TK1: variants seen among roughly 807,000 people sequenced by gnomAD.
TK1 encodes thymidine kinase 1.
TK1 carries 13 observed loss-of-function variants against 22.4 expected under a neutral mutation model. The observed-to-expected ratio is 0.58, with a 90% CI of 0.38 to 0.92. TK1 has a LOEUF of 0.92. TK1 is among the 40% of genes least tolerant of loss of function. TK1 has a pLI of 0.00. For missense variants in TK1, 251 were observed against 315.7 expected (o/e 0.80, Z 1.55); for synonymous variants, 134 against 125.4 (o/e 1.07, Z -0.46).
In TK1 at chr17:78,182,782, A is replaced by G. The variant is rs981957026; in HGVS notation, c.210-100T>C. 1.9e-5 allele frequency: 16 copies of G among 820,974 alleles called. No homozygotes were observed. In the Admixed American group the frequency reaches 3.3e-4, roughly 17 times the overall value. The allele number at this position is 820,974 out of a possible 1,614,324, so 50.9% of individuals were successfully genotyped here. A position where few individuals can be genotyped will look rare whatever the true frequency, so the allele number is the denominator to read the frequency against. On this transcript the variant is annotated intron_variant, in intron 3 of 6. Coordinates refer to ENST00000301634, the MANE Select transcript of TK1 (RefSeq NM_003258.5). The stretch of plus-strand genomic sequence containing the variant: ...CTGTCGTGACCACCTGCTACCTGCA[A>G]AGCAGGCTCAGTGTTCACCCAGCCG...
intron 4 of TK1, among the ~76,000 whole-genome samples, chr17:78,178,067 C>T (rs541353710): frequency 2.6e-5 from 4 of 152,280 alleles, no homozygotes; most frequent in Non-Finnish European, 4.4e-5. Flanking sequence ...GATGGGGTTT[C>T]ACCATGTTGG....
intron 3 of TK1, 82 bp downstream of exon 3, chr17:78,184,973 T>C: frequency 9.6e-7 from 1 of 1,038,280 alleles, no homozygotes; most frequent in Non-Finnish European, 1.5e-6. Context: ...TGATTAACCA[T>C]CCCCATTAAA....
intron 4 of TK1, among the ~76,000 whole-genome samples, chr17:78,178,445 G>T (rs981315088): frequency 1.3e-5 from 2 of 152,170 alleles, no homozygotes; most frequent in Admixed American, 1.3e-4. Flanking sequence ...CCTTCCTCAG[G>T]ATGGCACGGT....
chr17:78,181,609 A>T (rs1024455783), intron 4 of TK1, among the ~76,000 whole-genome samples: 4 of 152,118 alleles, frequency 2.6e-5, no homozygotes, highest in Non-Finnish European at 5.9e-5. Context: ...ACTAGATGAC[A>T]AAAGAAAGAT....
Position 78,182,639 on chromosome 17 carries a change from C to A in TK1, c.253G>T (p.Ala85Ser). The A allele has an allele frequency of 6.3e-7, 1 of 1,596,130 alleles. No homozygotes were observed. The highest frequency in any genetic ancestry group is 1.7e-5 in the Admixed American group (1 of 57,664). The change falls in exon 4 of 7, where the codon GCC becomes TCC. Residue 85 changes from alanine (A) to serine (S), a missense_variant. Coordinates refer to ENST00000301634, the MANE Select transcript of TK1 (RefSeq NM_003258.5). Reference protein sequence around the residue: ...ALPACLLRDVAQEALGVAVIG... With the variant: ...ALPACLLRDVSQEALGVAVIG... ...ACAGCCACGCCCAGGGCCTCCTGGG[C>A]CACGTCTCGGAGCAGGCAGGCGGGC...
At chr17:78,175,219 G>GTTTTTGTTTTTTTTTT in intron 5 of TK1, 50 bp from the exon 6 acceptor site, 3 of 1,574,994 alleles carry the variant, frequency 1.9e-6, no homozygotes, top group African/African-American at 1.4e-5. Context: ...TACCAGGTGG[G>GTTTTTGTTTTTTTTTT]TTTTTCTTTT....
chr17:78,178,655 T>C (rs1383047612), intron 4 of TK1, among the ~76,000 whole-genome samples: 2 of 152,152 alleles, frequency 1.3e-5, no homozygotes, highest in Non-Finnish European at 2.9e-5. Flanking sequence ...TTTGTTTTGT[T>C]TTGAGACTGA....
At chr17:78,176,122 C>T (rs562417927) in intron 4 of TK1, among the ~76,000 whole-genome samples, 2 of 152,292 alleles carry the variant, frequency 1.3e-5, no homozygotes, top group East Asian at 1.9e-4. Flanking sequence ...TTGCCTCCCC[C>T]GTTTTAAACG....
rs140967942 is a variant in TK1, at chr17:78,180,860, G to A, written c.303+1729C>T. On this transcript the variant is annotated intron_variant, in intron 4 of 6. Transcript: ENST00000301634. ...TTCCCCTACACACATTGTGCTGAGA[G>A]AGAACAGATAGAATACCTGACCAGA... Among the ~76,000 whole-genome samples, 14 of 152,354 alleles carry A rather than the reference G, an allele frequency of 9.2e-5. No individual in the cohort carries two copies. In the East Asian group the frequency reaches 2.7e-3, roughly 29 times the overall value.
upstream of TK1, chr17:78,187,149 T>G (rs575635280): frequency 1.4e-4 from 137 of 967,326 alleles, no homozygotes; most frequent in East Asian, 3.3e-3. Flanking sequence ...GCCGCTGACC[T>G]GGCGGGAGAT....
rs1342802467 is a variant in TK1 at position 78,186,773 on chromosome 17, C to T, written c.98+14G>A. 6.3e-7 allele frequency: 1 copy of T among 1,580,934 alleles called. No homozygotes were observed. Among genetic ancestry groups the T allele is most frequent in the East Asian group, 2.4e-5 (1 of 42,452 alleles). ...AGAGGAAGGAGCTCCACCCCAGCCC[C>T]GCGAAGCCATTACCTTTTTCCTGAG... is the stretch of plus-strand genomic sequence containing the variant. On this transcript the variant is annotated intron_variant, in intron 2 of 6. Transcript: ENST00000301634.
At chr17:78,179,403 T>C in intron 4 of TK1, 1 of 985,288 alleles carries the variant, frequency 1.0e-6, no homozygotes, top group Non-Finnish European at 1.2e-6. Flanking sequence ...ATGGGGGTGC[T>C]CAGGGGCGCA....
intron 4 of TK1, among the ~76,000 whole-genome samples, chr17:78,182,341 G>A (rs370902701): frequency 1.3e-4 from 19 of 149,778 alleles, no homozygotes; most frequent in Admixed American, 8.7e-4. Flanking sequence ...ATCGTACTCC[G>A]GCCTGGGCAA....
At position 78,186,307 on chromosome 17, in the gene TK1, C is replaced by A. The variant is rs1041610306; in HGVS notation, c.98+480G>T. Among the ~76,000 whole-genome samples, 3 of 152,194 alleles carry A rather than the reference C, an allele frequency of 2.0e-5. No homozygotes were observed. In the South Asian group the frequency reaches 6.2e-4, roughly 32 times the overall value. Reference sequence around the variant, plus strand: ...ACTCAAGAAACTCACTAGCCCCACCCGGGTCAGGGAATGGTTCTATCACCT... The same window carrying A: ...ACTCAAGAAACTCACTAGCCCCACCAGGGTCAGGGAATGGTTCTATCACCT... On this transcript the variant is annotated intron_variant, in intron 2 of 6. Coordinates refer to ENST00000301634, the MANE Select transcript of TK1 (RefSeq NM_003258.5).
chr17:78,185,880 G>A (rs1340017332), intron 2 of TK1, among the ~76,000 whole-genome samples: 2 of 152,144 alleles, frequency 1.3e-5, no homozygotes, highest in Non-Finnish European at 2.9e-5. Flanking sequence ...AGCGTCAAAA[G>A]CACTTGCTTC....
At chr17:78,175,991 G>A (rs1292730522) in intron 4 of TK1, among the ~76,000 whole-genome samples, 2 of 152,210 alleles carry the variant, frequency 1.3e-5, no homozygotes, top group Non-Finnish European at 2.9e-5. Flanking sequence ...CCTTGGCAAT[G>A]AATTAACGTC....
intron 4 of TK1, chr17:78,179,445 C>T (rs1159222123): frequency 9.1e-6 from 9 of 985,434 alleles, no homozygotes; most frequent in Non-Finnish European, 1.1e-5. Flanking sequence ...ATGGCCATAC[C>T]CAAGCGGGGA....
At chr17:78,183,594 G>C (rs2075755274) in intron 3 of TK1, among the ~76,000 whole-genome samples, 1 of 152,144 alleles carries the variant, frequency 6.6e-6, no homozygotes, top group Non-Finnish European at 1.5e-5. Flanking sequence ...AGGGGGCTGA[G>C]GTGGGACGAT....
At chr17:78,180,238 G>A (rs1253376102) in intron 4 of TK1, among the ~76,000 whole-genome samples, 1 of 152,242 alleles carries the variant, frequency 6.6e-6, no homozygotes, top group South Asian at 2.1e-4. Context: ...CTCCGTGTCT[G>A]TATACAGCCA....
Sources: allele counts gnomAD v4.1 joint callset (sites outside exome capture counted in the v4.1 genomes callset), GRCh38; gene constraint gnomAD v4.1.1; transcripts MANE v1.5; gene names NCBI Gene and HGNC (gene_info 2026-07-23, HGNC 2026-07-21).